EPM2A: variants seen among roughly 807,000 people sequenced by gnomAD.
EPM2A encodes laforin.
Under a neutral mutation model 26.5 loss-of-function variants are expected in EPM2A, and 21 were observed. The ratio of observed to expected loss-of-function variants is 0.79; its 90% confidence interval spans 0.56 to 1.14. EPM2A has a LOEUF of 1.14. Ranked by LOEUF, EPM2A falls within the 50% of genes most tolerant of loss-of-function variation. EPM2A has a pLI of 0.00. For synonymous variants in EPM2A, 217 were observed against 177.6 expected (o/e 1.22, Z -1.76); for missense variants, 458 against 440.8 (o/e 1.04, Z -0.35).
intron 4 of EPM2A, among the ~76,000 whole-genome samples, chr6:145,426,689 A>T (rs1021496266): frequency 1.3e-5 from 2 of 152,236 alleles, no homozygotes; most frequent in Non-Finnish European, 2.9e-5. Flanking sequence ...TTTCTTAAGC[A>T]TAAAACTGTA....
intron 2 of EPM2A, among the ~76,000 whole-genome samples, chr6:145,571,267 G>A (rs1388109371): frequency 6.6e-5 from 10 of 152,130 alleles, no homozygotes; most frequent in Admixed American, 1.3e-4. Context: ...ATATAGTCAC[G>A]TAGTTGATGT....
chr6:145,400,415 G>A (rs112422458), intron 4 of EPM2A, among the ~76,000 whole-genome samples: 2 of 152,126 alleles, frequency 1.3e-5, no homozygotes, highest in Non-Finnish European at 2.9e-5. Flanking sequence ...TCTTTCTTAA[G>A]AGTTAAACAG....
At chr6:145,422,372 T>C (rs1455441054) in intron 4 of EPM2A, among the ~76,000 whole-genome samples, 1 of 149,918 alleles carries the variant, frequency 6.7e-6, no homozygotes, top group Non-Finnish European at 1.5e-5. Flanking sequence ...CCCAGTTTTG[T>C]ACTTTTCATA....
chr6:145,724,290 C>A (rs1331763803), intron 1 of EPM2A, among the ~76,000 whole-genome samples: 1 of 151,980 alleles, frequency 6.6e-6, no homozygotes, highest in Non-Finnish European at 1.5e-5. Flanking sequence ...TAGATATCAG[C>A]AAAGAACAAC....
At chr6:145,443,583 A>G (rs1779094890) in intron 4 of EPM2A, among the ~76,000 whole-genome samples, 1 of 152,148 alleles carries the variant, frequency 6.6e-6, no homozygotes. Flanking sequence ...TTGATTTTAT[A>G]TCCCAAAACT....
chr6:145,472,662 G>A (rs1323684271), intron 4 of EPM2A, among the ~76,000 whole-genome samples: 1 of 152,112 alleles, frequency 6.6e-6, no homozygotes, highest in East Asian at 1.9e-4. Flanking sequence ...GACGGCTATG[G>A]GGTGAGGCTC....
chr6:145,442,216 C>G (rs1353159100), intron 4 of EPM2A, among the ~76,000 whole-genome samples: 2 of 152,210 alleles, frequency 1.3e-5, no homozygotes, highest in African/African-American at 2.4e-5. Flanking sequence ...CTTCTGAGCT[C>G]TCTAAACTGT....
intron 2 of EPM2A, among the ~76,000 whole-genome samples, chr6:145,541,336 ATGTG>A (rs529909986): frequency 1.6e-5 from 2 of 125,268 alleles, no homozygotes; most frequent in African/African-American, 5.5e-5. Context: ...GTGTATATAT[ATGTG>A]TGTGTGTATA....
chr6:145,597,499 C>G (rs6570698), intron 2 of EPM2A, among the ~76,000 whole-genome samples: 71,430 of 149,538 alleles, frequency 0.48, 17,910 homozygotes, highest in African/African-American at 0.63. Context: ...AAGTTTTACA[C>G]TATCTGAAAT....
At chr6:145,410,526 G>A (rs1478357953) in intron 4 of EPM2A, among the ~76,000 whole-genome samples, 1 of 152,168 alleles carries the variant, frequency 6.6e-6, no homozygotes, top group Non-Finnish European at 1.5e-5. Flanking sequence ...AAGGGATAAA[G>A]ACCTAAGTAA....
intron 4 of EPM2A, among the ~76,000 whole-genome samples, chr6:145,444,352 A>T (rs1030189819): frequency 5.3e-5 from 8 of 152,204 alleles, no homozygotes; most frequent in African/African-American, 1.9e-4. Context: ...CATTGAGATA[A>T]TCAGGTGGTT....
At chr6:145,466,648 T>C (rs1402697014) in intron 4 of EPM2A, among the ~76,000 whole-genome samples, 3 of 152,150 alleles carry the variant, frequency 2.0e-5, no homozygotes, top group Non-Finnish European at 4.4e-5. Flanking sequence ...ACTGGGTATA[T>C]ACCCAAAGGA....
At chr6:145,421,956 A>C (rs1189511630) in intron 4 of EPM2A, among the ~76,000 whole-genome samples, 1 of 149,906 alleles carries the variant, frequency 6.7e-6, no homozygotes. Context: ...AAAGTATATA[A>C]AGTGAAAACT....
chr6:145,498,886 G>A (rs960248580), downstream of EPM2A, among the ~76,000 whole-genome samples: 2 of 151,774 alleles, frequency 1.3e-5, no homozygotes, highest in African/African-American at 2.4e-5. Flanking sequence ...TTCATATCTC[G>A]GCTATTTTGA....
intron 4 of EPM2A, among the ~76,000 whole-genome samples, chr6:145,424,282 G>A (rs762040804): frequency 1.3e-5 from 2 of 152,212 alleles, no homozygotes; most frequent in East Asian, 3.8e-4. Context: ...CTGGATGAGG[G>A]ATGTGACGTT....
chr6:145,672,897 C>T (rs1259815782), intron 2 of EPM2A, among the ~76,000 whole-genome samples: 1 of 152,094 alleles, frequency 6.6e-6, no homozygotes, highest in Non-Finnish European at 1.5e-5. Flanking sequence ...AGAGGTTTCC[C>T]ATCTAAATAG....
At chr6:145,574,482 T>A (rs1781002662) in intron 2 of EPM2A, among the ~76,000 whole-genome samples, 1 of 152,216 alleles carries the variant, frequency 6.6e-6, no homozygotes, top group Non-Finnish European at 1.5e-5. Context: ...TGGTTCCCAC[T>A]GTTAGATCTG....
At position 145,425,116 on chromosome 6, in the gene EPM2A, CCCTTCCTTCCTT is replaced by C. The variant is rs71028346; in HGVS notation, c.556-41031_556-41020del. On this transcript the variant is annotated intron_variant, in intron 4 of 4. Transcript: ENST00000638717. ...AATTAGTAGCTTTGGATGTAAGTCT[CCCTTCCTTCCTT>C]CCTTCCTTCCTTCCTTCCTTCCTTC... is the stretch of plus-strand genomic sequence containing the variant. 8.9e-3 allele frequency among the ~76,000 whole-genome samples: 1,176 copies of C among 131,926 alleles called. 12 individuals are homozygous for C. Among genetic ancestry groups the C allele is most frequent in the African/African-American group, 0.03 (1,112 of 37,196 alleles). 86.5% of individuals were successfully genotyped at this position (131,926 alleles called of 152,430 possible). A position where few individuals can be genotyped will look rare whatever the true frequency, so the allele number is the denominator to read the frequency against.
chr6:145,445,733 AC>A (rs1779120742), intron 4 of EPM2A, among the ~76,000 whole-genome samples: 1 of 152,136 alleles, frequency 6.6e-6, no homozygotes, highest in Admixed American at 6.5e-5. Flanking sequence ...ATTTTCACTG[AC>A]ATCATTATAA....
Sources: allele counts gnomAD v4.1 joint callset (sites outside exome capture counted in the v4.1 genomes callset), GRCh38; gene constraint gnomAD v4.1.1; transcripts MANE v1.5; gene names NCBI Gene and HGNC (gene_info 2026-07-23, HGNC 2026-07-21).